Variants in SPPL2B observed in about 807,000 individuals in gnomAD.
SPPL2B encodes the protein signal peptide peptidase like 2B.
In SPPL2B, 39 loss-of-function variants were observed where a neutral mutation model predicts 59.7. The observed-to-expected ratio is 0.65, with a 90% CI of 0.51 to 0.85. The LOEUF (loss-of-function observed/expected upper bound fraction) is 0.85, where lower values mean the gene tolerates loss of function less well. Ranked by LOEUF, SPPL2B falls within the 40% of genes least tolerant of loss-of-function variation. The probability of loss-of-function intolerance (pLI) is 0.00; values close to 1 mark genes in which losing one functional copy is unlikely to be tolerated. For synonymous variants in SPPL2B, 419 were observed against 370.8 expected (o/e 1.13, Z -1.49); for missense variants, 865 against 849.0 (o/e 1.02, Z -0.23).
chr19:2,334,825 G>C (rs1011219091), intron 2 of SPPL2B, 104 bp downstream of exon 2: 3 of 1,391,640 alleles, frequency 2.2e-6, no homozygotes, highest in Admixed American at 5.7e-5. Context: ...AGAGGCGAGA[G>C]GCAGGCCCTG....
intron 1 of SPPL2B, among the ~76,000 whole-genome samples, chr19:2,329,146 G>T (rs1032741761): frequency 2.6e-5 from 4 of 152,170 alleles, no homozygotes; most frequent in Non-Finnish European, 4.4e-5. Flanking sequence ...ACCCCTCTCC[G>T]AGCCTCAGTT....
At chr19:2,350,157 C>G (rs1335321409) in intron 13 of SPPL2B, among the ~76,000 whole-genome samples, 1 of 149,336 alleles carries the variant, frequency 6.7e-6, no homozygotes, top group African/African-American at 2.5e-5. Flanking sequence ...TCCACACACA[C>G]TCACGCGCTC....
Position 2,332,835 on chromosome 19 carries a change from AC to A in SPPL2B, c.67-1764del. 6.6e-6 allele frequency among the ~76,000 whole-genome samples: 1 copy of A among 152,096 alleles called. No homozygotes were observed. Among genetic ancestry groups the A allele is most frequent in the Non-Finnish European group, 1.5e-5 (1 of 67,994 alleles). ...GGGACCTGGGCCCCATCGCTGTGAGACCCTCTGGTGACTGGCATCCTGGCGA... is the reference window on the plus strand; with the variant it reads ...GGGACCTGGGCCCCATCGCTGTGAGACCTCTGGTGACTGGCATCCTGGCGA... On this transcript the variant is annotated intron_variant, in intron 1 of 14. Coordinates refer to ENST00000613503, the MANE Select transcript of SPPL2B (RefSeq NM_152988.3). This position sits in a 1 kb window ranked among gnomAD's most constrained non-coding sequence, Gnocchi z 4.6.
intron 14 of SPPL2B, among the ~76,000 whole-genome samples, chr19:2,352,306 A>T (rs1337677626): frequency 6.6e-6 from 1 of 151,980 alleles, no homozygotes; most frequent in Non-Finnish European, 1.5e-5. Flanking sequence ...CCGCCCAGGG[A>T]GCAGCCCTGC....
intron 13 of SPPL2B, among the ~76,000 whole-genome samples, chr19:2,348,864 G>C (rs1332540286): frequency 5.0e-3 from 85 of 17,146 alleles, no homozygotes; most frequent in Admixed American, 7.3e-3. Flanking sequence ...CTCACGCGCT[G>C]TCATTCGCTT....
chr19:2,340,280 G>A, intron 7 of SPPL2B, 108 bp downstream of exon 7: 1 of 902,332 alleles, frequency 1.1e-6, no homozygotes. Flanking sequence ...AGAGTCTACA[G>A]CAGGCGCTCC....
chr19:2,351,466 G>A lies in SPPL2B; in HGVS notation c.1387G>A (p.Ala463Thr). The A allele has an allele frequency of 6.2e-7, 1 of 1,608,790 alleles. No individual in the cohort carries two copies. The highest frequency in any genetic ancestry group is 2.2e-5 in the East Asian group (1 of 44,834). The change falls in exon 14 of 15, where the codon GCA becomes ACA. Residue 463 changes from alanine to threonine, a missense_variant. Coordinates refer to ENST00000613503, the MANE Select transcript of SPPL2B (RefSeq NM_152988.3). ...YGVGLLVTFV[A>T]LALMQRGQPA... The stretch of plus-strand genomic sequence containing the variant: ...CGTTGGCCTCCTTGTGACATTCGTG[G>A]CACTGGCCCTGATGCAGCGTGGCCA...
At chr19:2,352,659 C>T (rs1267583286) in intron 14 of SPPL2B, among the ~76,000 whole-genome samples, 3 of 152,148 alleles carry the variant, frequency 2.0e-5, no homozygotes, top group Non-Finnish European at 4.4e-5. Context: ...GGGACCAGGC[C>T]CAGGGGCGAG....
chr19:2,348,238 C>T lies in SPPL2B; in HGVS notation c.1354+2908C>T, dbSNP rs565769432. On this transcript the variant is annotated intron_variant, in intron 13 of 14. Transcript: ENST00000613503. ...ACACACACTCTCATTCGCCTGATTC[C>T]GTTCTCTCTCCACACACACTCACGC... Among the ~76,000 whole-genome samples, 14 of 107,412 alleles carry T rather than the reference C, an allele frequency of 1.3e-4. No homozygotes were observed. The East Asian group carries it at 3.4e-3, about 26-fold the overall frequency. The allele number at this position is 107,412 out of a possible 152,430, so 70.5% of individuals were successfully genotyped here.
chr19:2,338,679 C>A, intron 3 of SPPL2B, 73 bp from the exon 4 acceptor site: 1 of 1,055,512 alleles, frequency 9.5e-7, no homozygotes, highest in Non-Finnish European at 1.4e-6. Context: ...GGAGAGGAGG[C>A]GAATGGGCAC....
chr19:2,335,525 C>G, intron 2 of SPPL2B, among the ~76,000 whole-genome samples: 1 of 150,394 alleles, frequency 6.6e-6, no homozygotes, highest in Non-Finnish European at 1.5e-5. Context: ...CGCCTCCTTT[C>G]TCACTTCATC....
chr19:2,347,945 T>TCA (rs760863829), intron 13 of SPPL2B, among the ~76,000 whole-genome samples: 1 of 14,860 alleles, frequency 6.7e-5, no homozygotes, highest in Admixed American at 4.9e-4. Context: ...ACACACACAC[T>TCA]CGCGCTCTCA....
In SPPL2B at chr19:2,353,672, T is replaced by C; in HGVS notation, c.*463T>C. 1 of 170,992 alleles carries C rather than the reference T, an allele frequency of 5.8e-6. No homozygotes were observed. The allele number at this position is 170,992 out of a possible 1,614,324, so 10.6% of individuals were successfully genotyped here. ...TCTGTCTCCCAGAAGGCATCGCTTT[T>C]CCCTCTTGAGCAGATCGGAGCCCCT... On this transcript the variant is annotated 3_prime_UTR_variant, in exon 15 of 15. Transcript: ENST00000613503.
At position 2,353,766 on chromosome 19, in the gene SPPL2B, C is replaced by A. The variant is rs575006075; in HGVS notation, c.*557C>A. 1 of 154,858 alleles carries A rather than the reference C, an allele frequency of 6.5e-6. No homozygotes were observed. Among genetic ancestry groups the A allele is most frequent in the Non-Finnish European group, 1.4e-5 (1 of 69,874 alleles). 9.6% of individuals were successfully genotyped at this position (154,858 alleles called of 1,614,324 possible). A position where few individuals can be genotyped will look rare whatever the true frequency, so the allele number is the denominator to read the frequency against. On this transcript the variant is annotated 3_prime_UTR_variant, in exon 15 of 15. Transcript: ENST00000613503. ...GGCCGGGGCGGCCTCTGGCCCCTGA[C>A]GCTGGCTGAGACAGGCCCGTGGGGC...
chr19:2,344,249 C>A, intron 10 of SPPL2B, 113 bp from the exon 11 acceptor site: 1 of 566,402 alleles, frequency 1.8e-6, no homozygotes. Context: ...CCCCCCATCA[C>A]CCTGCCCCTT....
chr19:2,348,424 T>G (rs1413545127), intron 13 of SPPL2B, among the ~76,000 whole-genome samples: 1 of 96,244 alleles, frequency 1.0e-5, no homozygotes, highest in Admixed American at 1.0e-4. Flanking sequence ...TTCGCTTGAT[T>G]CCATTCTCTC....
chr19:2,350,394 C>A, intron 13 of SPPL2B, among the ~76,000 whole-genome samples: 1 of 148,362 alleles, frequency 6.7e-6, no homozygotes, highest in African/African-American at 2.5e-5. Context: ...CTCGCGTTCT[C>A]ATTCGCTTGA....
chr19:2,341,059 GGGT>G (rs754727506), intron 8 of SPPL2B, 45 bp downstream of exon 8: 65 of 1,389,674 alleles, frequency 4.7e-5, no homozygotes, highest in Middle Eastern at 3.5e-4. Flanking sequence ...CGGAGTCCTC[GGGT>G]GCACCAGGGC....
chr19:2,345,597 G>C (rs11084935), intron 13 of SPPL2B, among the ~76,000 whole-genome samples: 67,287 of 135,260 alleles, frequency 0.5, 18,905 homozygotes, highest in Non-Finnish European at 0.62. Flanking sequence ...TCCTGGGCCT[G>C]TGCCTCTGTC....
Sources: gnomAD v4.1 joint callset for allele counts (sites outside exome capture counted in the v4.1 genomes callset) on GRCh38, gnomAD v4.1.1 for gene constraint, Gnocchi (gnomAD v3.1) non-coding constraint, MANE v1.5 for transcripts, NCBI Gene and HGNC (gene_info 2026-07-23, HGNC 2026-07-21) for gene names.